Variants in KLF13 observed in about 807,000 individuals in gnomAD.
KLF13 encodes KLF transcription factor 13.
Under a neutral mutation model 16.7 loss-of-function variants are expected in KLF13, and 8 were observed. The observed-to-expected ratio is 0.48, with a 90% CI of 0.28 to 0.87. The LOEUF (loss-of-function observed/expected upper bound fraction) is 0.87, where lower values mean the gene tolerates loss of function less well. Ranked by LOEUF, KLF13 falls within the 40% of genes least tolerant of loss-of-function variation. The pLI is 0.10. For synonymous variants in KLF13, 245 were observed against 208.4 expected (o/e 1.18, Z -1.51); for missense variants, 447 against 452.2 (o/e 0.99, Z 0.10).
chr15:31,435,268 G>A (rs555227098), intron 1 of KLF13: 5 of 152,224 alleles, frequency 3.3e-5, no homozygotes, highest in Admixed American at 6.5e-5. Flanking sequence ...TTGGTTGTGA[G>A]AATGACTAGG....
chr15:31,419,361 T>C (rs2040294238), intron 1 of KLF13, among the ~76,000 whole-genome samples: 2 of 152,096 alleles, frequency 1.3e-5, no homozygotes, highest in African/African-American at 4.8e-5. Context: ...TTCAAAATAA[T>C]TGTCTTAAAG....
Position 31,327,604 on chromosome 15 carries a change from T to TGGAGCCCGAGCGGGAGCC in KLF13, c.395_412dup (p.Glu132_Pro137dup), listed in dbSNP as rs1483016447. 5 of 1,302,588 alleles carry TGGAGCCCGAGCGGGAGCC rather than the reference T, an allele frequency of 3.8e-6. No homozygotes were observed. The African/African-American group carries it at 7.9e-5, about 20-fold the overall frequency. The allele number at this position is 1,302,588 out of a possible 1,614,324, so 80.7% of individuals were successfully genotyped here. ...AGCGAGCCGGAGCCCGAGGCGGGGCTGGAGCCCGAGCGGGAGCCGGGGCCC... is the reference window on the plus strand; with the variant it reads ...AGCGAGCCGGAGCCCGAGGCGGGGCTGGAGCCCGAGCGGGAGCCGGAGCCCGAGCGGGAGCCGGGGCCC... On this transcript the variant is annotated inframe_insertion, in exon 1 of 2. Transcript: ENST00000307145.
chr15:31,338,165 C>A (rs1460230759), intron 1 of KLF13, among the ~76,000 whole-genome samples: 28 of 152,230 alleles, frequency 1.8e-4, no homozygotes, highest in Non-Finnish European at 2.9e-5. Flanking sequence ...TAAGTTCACT[C>A]ACTTTAGCCT....
intron 1 of KLF13, among the ~76,000 whole-genome samples, chr15:31,414,498 A>G (rs2040233112): frequency 6.6e-6 from 1 of 152,170 alleles, no homozygotes; most frequent in Admixed American, 6.5e-5. Context: ...TAATTCAAAG[A>G]TACAAATAGA....
chr15:31,419,182 A>G (rs527398606), intron 1 of KLF13, among the ~76,000 whole-genome samples: 10 of 152,286 alleles, frequency 6.6e-5, no homozygotes, highest in African/African-American at 1.7e-4. Context: ...CATTCCTTGT[A>G]TAAAGCCAGG....
Position 31,375,624 on chromosome 15 carries a change from C to T in KLF13, c.*3325C>T, listed in dbSNP as rs910616632. 1 of 152,148 alleles carries T rather than the reference C, an allele frequency of 6.6e-6. No individual in the cohort carries two copies. The highest frequency in any genetic ancestry group is 1.5e-5 in the Non-Finnish European group (1 of 68,008). 9.4% of individuals were successfully genotyped at this position (152,148 alleles called of 1,614,324 possible). On this transcript the variant is annotated 3_prime_UTR_variant, in exon 2 of 2. Coordinates refer to ENST00000307145, the MANE Select transcript of KLF13 (RefSeq NM_015995.4). ...CTCAGCCATCAAGGGGCTGGTGTTGCTCCTGTCCCAGACAAGGAAGCCCCT... is the reference window on the plus strand; with the variant it reads ...CTCAGCCATCAAGGGGCTGGTGTTGTTCCTGTCCCAGACAAGGAAGCCCCT...
chr15:31,418,651 GAAAC>G (rs2040284886), intron 1 of KLF13, among the ~76,000 whole-genome samples: 1 of 151,964 alleles, frequency 6.6e-6, no homozygotes, highest in Non-Finnish European at 1.5e-5. Flanking sequence ...GCTAATTACA[GAAAC>G]AAACACAGTA....
chr15:31,402,892 C>T (rs2040060416), intron 2 of KLF13, among the ~76,000 whole-genome samples: 1 of 152,104 alleles, frequency 6.6e-6, no homozygotes, highest in Admixed American at 6.5e-5. Context: ...AAGTGTTTGC[C>T]TTGGAGGGAT....
rs1194432307 is a variant in KLF13, at chr15:31,375,637, C to T, written c.*3338C>T. The T allele has an allele frequency of 6.6e-6, 1 of 152,152 alleles. No individual in the cohort carries two copies. The highest frequency in any genetic ancestry group is 2.4e-5 in the African/African-American group (1 of 41,430). 9.4% of individuals were successfully genotyped at this position (152,152 alleles called of 1,614,324 possible). A position where few individuals can be genotyped will look rare whatever the true frequency, so the allele number is the denominator to read the frequency against. ...GGGCTGGTGTTGCTCCTGTCCCAGA[C>T]AAGGAAGCCCCTCTTTACATCAGCC... On this transcript the variant is annotated 3_prime_UTR_variant, in exon 2 of 2. Transcript: ENST00000307145.
chr15:31,364,502 C>T (rs917177025), intron 1 of KLF13, among the ~76,000 whole-genome samples: 6 of 152,356 alleles, frequency 3.9e-5, no homozygotes, highest in South Asian at 4.1e-4. Context: ...ACATGCTTCC[C>T]GGGGCCCCTT....
In KLF13 at chr15:31,327,644, G is replaced by T; in HGVS notation, c.432G>T (p.Glu144Asp). The change falls in exon 1 of 2, where the codon GAG (glutamate) becomes GAT (aspartate). Residue 144 changes from glutamate (E) to aspartate (D), a missense_variant. Coordinates refer to ENST00000307145, the MANE Select transcript of KLF13 (RefSeq NM_015995.4). ...AGCCGGGGCCCGCGGGGAGCGGCGAGCCCGGCCTCAGACAAAGGGTCCGGC... is the reference window on the plus strand; with the variant it reads ...AGCCGGGGCCCGCGGGGAGCGGCGATCCCGGCCTCAGACAAAGGGTCCGGC... ...EREPGPAGSG[E>D]PGLRQRVRRG... 2.1e-6 allele frequency: 3 copies of T among 1,420,856 alleles called. No individual in the cohort carries two copies. Among genetic ancestry groups the T allele is most frequent in the South Asian group, 1.4e-5 (1 of 73,844 alleles). The allele number at this position is 1,420,856 out of a possible 1,614,324, so 88.0% of individuals were successfully genotyped here.
intron 1 of KLF13, among the ~76,000 whole-genome samples, chr15:31,354,281 G>T (rs749349012): frequency 6.6e-6 from 1 of 152,222 alleles, no homozygotes. Flanking sequence ...CAGGCCTGGG[G>T]AGAGCCAGAG....
In KLF13 at chr15:31,350,546, G is replaced by A. The variant is rs143786183; in HGVS notation, c.578-21464G>A. ...GAAATTATGCCCCTGCAGGGTTCAG[G>A]ATAAAGGAAATGACACCCAAGCCTT... On this transcript the variant is annotated intron_variant, in intron 1 of 1. Coordinates refer to ENST00000307145, the MANE Select transcript of KLF13 (RefSeq NM_015995.4). Among the ~76,000 whole-genome samples, 401 of 152,346 alleles carry A rather than the reference G, an allele frequency of 2.6e-3. 1 individual carries two copies. Among genetic ancestry groups the A allele is most frequent in the African/African-American group, 9.2e-3 (384 of 41,582 alleles).
chr15:31,365,288 A>G (rs1028613784), intron 1 of KLF13, among the ~76,000 whole-genome samples: 3 of 152,218 alleles, frequency 2.0e-5, no homozygotes, highest in South Asian at 2.1e-4. Flanking sequence ...ACACACCCAC[A>G]TGGACCCTTG....
chr15:31,391,600 C>CCCGCCG (rs2039870551), upstream of KLF13, among the ~76,000 whole-genome samples: 2 of 151,764 alleles, frequency 1.3e-5, no homozygotes, highest in South Asian at 4.2e-4. Flanking sequence ...TGCCCCCCAC[C>CCCGCCG]CCGCCCCCGC....
chr15:31,409,536 G>A (rs367790975), downstream of KLF13, among the ~76,000 whole-genome samples: 47 of 151,892 alleles, frequency 3.1e-4, no homozygotes, highest in Middle Eastern at 6.8e-3. Context: ...GAAGAAAAGG[G>A]AGGAAGAAGG....
chr15:31,425,242 AT>A (rs1467548234), intron 1 of KLF13, among the ~76,000 whole-genome samples: 1 of 152,222 alleles, frequency 6.6e-6, no homozygotes, highest in East Asian at 1.9e-4. Flanking sequence ...TGCAATACTT[AT>A]CAAAATCCAA....
At chr15:31,328,128 G>A (rs1388207194) in intron 1 of KLF13, among the ~76,000 whole-genome samples, 1 of 150,122 alleles carries the variant, frequency 6.7e-6, no homozygotes, top group Non-Finnish European at 1.5e-5. Flanking sequence ...GGCAGGTGCG[G>A]GCGGCCTGGG....
intron 1 of KLF13, among the ~76,000 whole-genome samples, chr15:31,421,335 T>A (rs936553231): frequency 4.6e-5 from 7 of 152,042 alleles, no homozygotes; most frequent in African/African-American, 1.7e-4. Flanking sequence ...TATAAAGCAC[T>A]CAGTAAAGGG....
Sources: allele counts gnomAD v4.1 joint callset (sites outside exome capture counted in the v4.1 genomes callset), GRCh38; gene constraint gnomAD v4.1.1; transcripts MANE v1.5; gene names NCBI Gene and HGNC (gene_info 2026-07-23, HGNC 2026-07-21).